ZNF141: variants seen among roughly 807,000 people sequenced by gnomAD.
The protein encoded by ZNF141 is zinc finger protein 141 (clone pHZ-44).
Under a neutral mutation model 11.3 loss-of-function variants are expected in ZNF141, and 7 were observed. That is an observed-to-expected ratio of 0.62 (90% CI 0.35 to 1.16). The LOEUF (loss-of-function observed/expected upper bound fraction) is 1.16, where lower values mean the gene tolerates loss of function less well. Ranked by LOEUF, ZNF141 falls within the 50% of genes most tolerant of loss-of-function variation. ZNF141 has a pLI of 0.02. For synonymous variants in ZNF141, 183 were observed against 190.7 expected, an observed-to-expected ratio of 0.96 and a Z score of 0.33; for missense variants, 535 against 554.0, an observed-to-expected ratio of 0.97 and a Z score of 0.34.
At chr4:352,955 AC>A (rs1465625890) in intron 3 of ZNF141, among the ~76,000 whole-genome samples, 28 of 152,112 alleles carry the variant, frequency 1.8e-4, no homozygotes, top group Non-Finnish European at 2.9e-4. Context: ...GTGTTGTGGA[AC>A]TGGGTCTGAA....
chr4:338,140 C>G (rs982826924), intron 1 of ZNF141, 154 bp downstream of exon 1: 13 of 962,036 alleles, frequency 1.4e-5, no homozygotes, highest in African/African-American at 3.4e-5. Flanking sequence ...GGGCTCCTGT[C>G]GGTCCCCGCA....
chr4:342,037 C>T (rs1368493146), intron 1 of ZNF141, among the ~76,000 whole-genome samples: 1 of 152,122 alleles, frequency 6.6e-6, no homozygotes, highest in African/African-American at 2.4e-5. Flanking sequence ...TGGCTCTCTC[C>T]CATCTATTTA....
chr4:382,980 G>C lies in ZNF141; in HGVS notation c.*9118G>C. The C allele has an allele frequency of 1.9e-6, 1 of 517,654 alleles. No individual in the cohort carries two copies. The highest frequency in any genetic ancestry group is 3.4e-6 in the Non-Finnish European group (1 of 293,072). The allele number at this position is 517,654 out of a possible 1,614,324, so 32.1% of individuals were successfully genotyped here. Reference sequence around the variant, plus strand: ...TGGCTTTTATAGTCGTTCCTATCAAGAGACAGATTCTGTTTCCCAAACCTT... The same window carrying C: ...TGGCTTTTATAGTCGTTCCTATCAACAGACAGATTCTGTTTCCCAAACCTT... On this transcript the variant is annotated 3_prime_UTR_variant, in exon 4 of 4. Transcript: ENST00000240499.
chr4:344,220 G>C (rs1354557729), intron 2 of ZNF141, 115 bp from the exon 3 acceptor site: 6 of 1,059,144 alleles, frequency 5.7e-6, no homozygotes, highest in Non-Finnish European at 6.8e-6. Context: ...ACAATTTTTG[G>C]ATTAATTTTC....
In ZNF141 at chr4:381,946, C is replaced by CTTTTTTTTTTTTTTTTTTTTTTTTTTTTT. The variant is rs34905613; in HGVS notation, c.*8103_*8104insTTTTTTTTTTTTTTTTTTTTTTTTTTTTT. ...CTAGGGCCACCACCATCTCTGGGAA[C>CTTTTTTTTTTTTTTTTTTTTTTTTTTTTT]TTTTTTTTTTTTTTTTTTTGAGACG... On this transcript the variant is annotated 3_prime_UTR_variant, in exon 4 of 4. Coordinates refer to ENST00000240499, the MANE Select transcript of ZNF141 (RefSeq NM_003441.4). 1.6e-4 allele frequency among the ~76,000 whole-genome samples: 17 copies of CTTTTTTTTTTTTTTTTTTTTTTTTTTTTT among 105,930 alleles called. 1 individual carries two copies. Among genetic ancestry groups the CTTTTTTTTTTTTTTTTTTTTTTTTTTTTT allele is most frequent in the African/African-American group, 4.0e-4 (9 of 22,444 alleles). 69.5% of individuals were successfully genotyped at this position (105,930 alleles called of 152,430 possible).
chr4:355,939 A>G (rs73066328), intron 3 of ZNF141, among the ~76,000 whole-genome samples: 6,458 of 152,210 alleles, frequency 0.042, 314 homozygotes, highest in African/African-American at 0.12. Flanking sequence ...CACTCTTAGA[A>G]TTATAATACT....
intron 2 of ZNF141, 45 bp from the exon 3 acceptor site, chr4:344,290 A>C (rs782123720): frequency 6.6e-7 from 1 of 1,525,042 alleles, no homozygotes; most frequent in South Asian, 1.1e-5. Flanking sequence ...TAATTGGAGA[A>C]TCCCCATCAA....
chr4:340,523 C>T (rs187897127), intron 1 of ZNF141, among the ~76,000 whole-genome samples: 2 of 152,312 alleles, frequency 1.3e-5, no homozygotes, highest in East Asian at 3.9e-4. Context: ...TCCATTCTCT[C>T]CCTTCTCCCC....
intron 3 of ZNF141, among the ~76,000 whole-genome samples, chr4:370,889 C>T (rs1441486721): frequency 2.0e-5 from 3 of 151,710 alleles, no homozygotes; most frequent in Non-Finnish European, 4.4e-5. Context: ...CACCACCACG[C>T]CCAGCTAATT....
rs1310213481 is a variant in ZNF141 at position 381,471 on chromosome 4, C to G, written c.*7609C>G. ...TCGCCCAGGCTGGAGTGCAGTGGTGCAATCTCGGCTCACTGCAACCTCCGC... is the reference window on the plus strand; with the variant it reads ...TCGCCCAGGCTGGAGTGCAGTGGTGGAATCTCGGCTCACTGCAACCTCCGC... On this transcript the variant is annotated 3_prime_UTR_variant, in exon 4 of 4. Transcript: ENST00000240499. Among the ~76,000 whole-genome samples, 7 of 128,232 alleles carry G rather than the reference C, an allele frequency of 5.5e-5. No individual in the cohort carries two copies. Among genetic ancestry groups the G allele is most frequent in the African/African-American group, 2.1e-4 (7 of 32,612 alleles). The allele number at this position is 128,232 out of a possible 152,430, so 84.1% of individuals were successfully genotyped here.
At chr4:342,872 G>T (rs1721116295) in intron 1 of ZNF141, 1 of 1,608,374 alleles carries the variant, frequency 6.2e-7, no homozygotes, top group African/African-American at 1.3e-5. Flanking sequence ...TGAGTGACCT[G>T]AAGGTTGAAC....
At chr4:369,750 A>ATTTTTTTTTT (rs1560196716) in intron 3 of ZNF141, among the ~76,000 whole-genome samples, 1 of 35,194 alleles carries the variant, frequency 2.8e-5, no homozygotes, top group African/African-American at 1.4e-4. Flanking sequence ...ATATATATAT[A>ATTTTTTTTTT]TATATATATA....
Position 384,767 on chromosome 4 carries a change from A to G in ZNF141, c.*10905A>G, listed in dbSNP as rs1201760061. ...GAAGACTTCCTCGTTCTTGCCACATAAAAGACCCAGAACTCAGCCCCATTT... is the reference window on the plus strand; with the variant it reads ...GAAGACTTCCTCGTTCTTGCCACATGAAAGACCCAGAACTCAGCCCCATTT... On this transcript the variant is annotated 3_prime_UTR_variant, in exon 4 of 4. Transcript: ENST00000240499. 6.6e-6 allele frequency: 1 copy of G among 152,242 alleles called. No homozygotes were observed. Among genetic ancestry groups the G allele is most frequent in the African/African-American group, 2.4e-5 (1 of 41,430 alleles). 9.4% of individuals were successfully genotyped at this position (152,242 alleles called of 1,614,324 possible).
intron 3 of ZNF141, among the ~76,000 whole-genome samples, chr4:352,296 A>G (rs1721641753): frequency 6.6e-6 from 1 of 152,222 alleles, no homozygotes; most frequent in Admixed American, 6.5e-5. Context: ...CTGAGGCAGG[A>G]GAATCACTTG....
In ZNF141 at chr4:375,937, C is replaced by T. The variant is rs1553854553; in HGVS notation, c.*2075C>T. 1.3e-5 allele frequency among the ~76,000 whole-genome samples: 2 copies of T among 151,930 alleles called. No homozygotes were observed. On this transcript the variant is annotated 3_prime_UTR_variant, in exon 4 of 4. Transcript: ENST00000240499. Reference sequence around the variant, plus strand: ...TTGTAGTTGACAATATTGAGTGATGCATGAGGTAGGTGTTCAGAGTAATAT... The same window carrying T: ...TTGTAGTTGACAATATTGAGTGATGTATGAGGTAGGTGTTCAGAGTAATAT...
chr4:367,208 C>T (rs1232972221), intron 3 of ZNF141, among the ~76,000 whole-genome samples: 1 of 152,164 alleles, frequency 6.6e-6, no homozygotes, highest in East Asian at 1.9e-4. Flanking sequence ...CAGCTGTGTA[C>T]ACTGTAAGAC....
At chr4:340,648 A>G (rs1175409271) in intron 1 of ZNF141, among the ~76,000 whole-genome samples, 16 of 152,246 alleles carry the variant, frequency 1.1e-4, no homozygotes, top group African/African-American at 3.9e-4. Context: ...TGTTTGAGAA[A>G]TACAAGTTCT....
intron 3 of ZNF141, among the ~76,000 whole-genome samples, chr4:361,264 C>G (rs1291327709): frequency 6.6e-6 from 1 of 151,842 alleles, no homozygotes; most frequent in African/African-American, 2.4e-5. Flanking sequence ...CTTACTGTTT[C>G]TATACTTTTG....
rs1417269014 is a variant in ZNF141 at position 382,197 on chromosome 4, C to T, written c.*8335C>T. Among the ~76,000 whole-genome samples the T allele has an allele frequency of 6.6e-6, 1 of 152,008 alleles. No homozygotes were observed. On this transcript the variant is annotated 3_prime_UTR_variant, in exon 4 of 4. Transcript: ENST00000240499. ...TCCTGACCTCGTGATCCGCCTGCCT[C>T]AGCCTACCAAAGTGCTGGGATTACA...
Sources: allele counts gnomAD v4.1 joint callset (sites outside exome capture counted in the v4.1 genomes callset), GRCh38; gene constraint gnomAD v4.1.1; transcripts MANE v1.5; gene names NCBI Gene and HGNC (gene_info 2026-07-23, HGNC 2026-07-21).